Variants in SLC7A14 observed in about 807,000 individuals in gnomAD.
SLC7A14 encodes solute carrier family 7 member 14.
Under a neutral mutation model 60.2 loss-of-function variants are expected in SLC7A14, and 37 were observed. The ratio of observed to expected loss-of-function variants is 0.61; its 90% CI spans 0.47 to 0.81. The LOEUF (loss-of-function observed/expected upper bound fraction) is 0.81, where lower values mean the gene tolerates loss of function less well. Ranked by LOEUF, SLC7A14 falls within the 30% of genes least tolerant of loss-of-function variation. SLC7A14 has a pLI of 0.00. For synonymous variants in SLC7A14, 399 were observed against 395.8 expected, an observed-to-expected ratio of 1.01 and a Z score of -0.10; for missense variants, 886 against 982.7, an observed-to-expected ratio of 0.90 and a Z score of 1.32.
At chr3:170,566,632 G>A (rs1714796783) in intron 1 of SLC7A14, among the ~76,000 whole-genome samples, 1 of 152,022 alleles carries the variant, frequency 6.6e-6, no homozygotes, top group Non-Finnish European at 1.5e-5. Context: ...AACCACTTTT[G>A]GTGGCTCCCA....
At chr3:170,557,198 A>G (rs1022210250) in intron 1 of SLC7A14, among the ~76,000 whole-genome samples, 2 of 151,462 alleles carry the variant, frequency 1.3e-5, no homozygotes, top group Non-Finnish European at 2.9e-5. Flanking sequence ...TGGTCTTCTT[A>G]TTGGGTATAG....
chr3:170,565,649 G>A (rs973728609), intron 1 of SLC7A14, among the ~76,000 whole-genome samples: 5 of 152,150 alleles, frequency 3.3e-5, no homozygotes, highest in Non-Finnish European at 7.4e-5. Context: ...GAGGGAGGCT[G>A]AGCTTGACTT....
intron 1 of SLC7A14, among the ~76,000 whole-genome samples, chr3:170,547,777 C>T (rs191165159): frequency 3.3e-5 from 5 of 152,204 alleles, no homozygotes; most frequent in Admixed American, 1.3e-4. Flanking sequence ...ATCACATATC[C>T]AAGAGAGTAT....
intron 2 of SLC7A14, among the ~76,000 whole-genome samples, chr3:170,524,303 T>C (rs1713427112): frequency 6.6e-6 from 1 of 152,250 alleles, no homozygotes; most frequent in South Asian, 2.1e-4. Context: ...TCTTGGCAGC[T>C]GGTGTGAGCT....
At chr3:170,581,392 G>A (rs1052820377) in intron 1 of SLC7A14, among the ~76,000 whole-genome samples, 9 of 152,032 alleles carry the variant, frequency 5.9e-5, no homozygotes, top group African/African-American at 1.9e-4. Context: ...AAAACTATTA[G>A]TTAAAAGGTA....
intron 1 of SLC7A14, among the ~76,000 whole-genome samples, chr3:170,533,128 G>A (rs1188087045): frequency 6.6e-6 from 1 of 152,156 alleles, no homozygotes; most frequent in Non-Finnish European, 1.5e-5. Context: ...CACTCAGCTA[G>A]CATAAGCTTT....
At chr3:170,495,950 G>A (rs1382984929) in intron 4 of SLC7A14, 10 of 1,384,454 alleles carry the variant, frequency 7.2e-6, no homozygotes, top group Non-Finnish European at 1.0e-5. Context: ...GGCTGGTGGA[G>A]GACTTCAAGA....
At chr3:170,565,751 G>A (rs1714771288) in intron 1 of SLC7A14, among the ~76,000 whole-genome samples, 1 of 152,000 alleles carries the variant, frequency 6.6e-6, no homozygotes, top group Non-Finnish European at 1.5e-5. Flanking sequence ...TTGTCCTGTG[G>A]ATAAACAGAT....
chr3:170,498,070 G>C (rs1187280425), intron 4 of SLC7A14, among the ~76,000 whole-genome samples: 1 of 152,192 alleles, frequency 6.6e-6, no homozygotes, highest in Non-Finnish European at 1.5e-5. Flanking sequence ...TATTTTCCTA[G>C]TGTCATACCC....
At chr3:170,554,805 T>C (rs75912655) in intron 1 of SLC7A14, among the ~76,000 whole-genome samples, 1,874 of 152,336 alleles carry the variant, frequency 0.012, 40 homozygotes, top group African/African-American at 0.043. Flanking sequence ...TCCTTACTTA[T>C]AGTCCCTTAC....
At chr3:170,493,180 T>G (rs187362287) in intron 4 of SLC7A14, among the ~76,000 whole-genome samples, 2 of 152,340 alleles carry the variant, frequency 1.3e-5, no homozygotes, top group Admixed American at 1.3e-4. Context: ...GAATTGCAGA[T>G]GGAAGCAGGG....
intron 2 of SLC7A14, among the ~76,000 whole-genome samples, chr3:170,520,724 G>C (rs1560267894): frequency 6.6e-6 from 1 of 152,156 alleles, no homozygotes; most frequent in Admixed American, 6.5e-5. Context: ...ATGAACTTAG[G>C]AGTGATTCAG....
rs147635305 is a variant in SLC7A14 at position 170,532,586 on chromosome 3, T to C, written c.-152-5498A>G. On this transcript the variant is annotated intron_variant, in intron 1 of 7. Coordinates refer to ENST00000231706, the MANE Select transcript of SLC7A14 (RefSeq NM_020949.3). This position sits in a 1 kb window ranked among gnomAD's most constrained non-coding sequence, Gnocchi z 4.0. ...TGAGGAGTGGAAGAGCTAATACGTG[T>C]AGAGCTTTTAGTACCGCGCCTGGCG... Among the ~76,000 whole-genome samples the C allele has an allele frequency of 1.3e-5, 2 of 152,266 alleles. No homozygotes were observed. The highest frequency in any genetic ancestry group is 2.9e-5 in the Non-Finnish European group (2 of 68,020).
intron 2 of SLC7A14, among the ~76,000 whole-genome samples, chr3:170,520,453 A>G (rs1167128002): frequency 1.3e-5 from 2 of 152,180 alleles, no homozygotes; most frequent in African/African-American, 4.8e-5. Context: ...CCCAATAGCA[A>G]TGGGTCCTTT....
At chr3:170,524,337 A>G (rs6803419) in intron 2 of SLC7A14, among the ~76,000 whole-genome samples, 108,482 of 151,810 alleles carry the variant, frequency 0.71, 38,895 homozygotes, top group Middle Eastern at 0.79. Context: ...CACAGTCTGG[A>G]CCAATTTCAG....
intron 1 of SLC7A14, among the ~76,000 whole-genome samples, chr3:170,528,718 C>T (rs542302830): frequency 2.0e-5 from 3 of 152,300 alleles, no homozygotes; most frequent in Non-Finnish European, 4.4e-5. Context: ...TTGGATAACA[C>T]GCCAGAGATA....
intron 1 of SLC7A14, among the ~76,000 whole-genome samples, chr3:170,528,946 C>G (rs1413856625): frequency 6.6e-6 from 1 of 152,166 alleles, no homozygotes; most frequent in East Asian, 1.9e-4. Context: ...TGTTATGTGC[C>G]AAGCATGGCG....
In SLC7A14 at chr3:170,543,531, C is replaced by T. The variant is rs550270478; in HGVS notation, c.-152-16443G>A. ...GGGAGTGGTGGCGCATGCTTGTAAT[C>T]CCAGCTACTCGGGAGGCTGAGGCAG... is the stretch of plus-strand genomic sequence containing the variant. On this transcript the variant is annotated intron_variant, in intron 1 of 7. Transcript: ENST00000231706. 2.1e-3 allele frequency among the ~76,000 whole-genome samples: 321 copies of T among 151,864 alleles called. 1 individual carries two copies. The highest frequency in any genetic ancestry group is 7.3e-3 in the African/African-American group (304 of 41,460).
chr3:170,581,400 G>A (rs1715231386), intron 1 of SLC7A14, among the ~76,000 whole-genome samples: 1 of 151,978 alleles, frequency 6.6e-6, no homozygotes, highest in African/African-American at 2.4e-5. Context: ...TAGTTAAAAG[G>A]TAAAAGCTGT....
Sources: gnomAD v4.1 joint callset for allele counts (sites outside exome capture counted in the v4.1 genomes callset) on GRCh38, gnomAD v4.1.1 for gene constraint, Gnocchi (gnomAD v3.1) non-coding constraint, MANE v1.5 for transcripts, NCBI Gene and HGNC (gene_info 2026-07-23, HGNC 2026-07-21) for gene names.